Variants in CLPTM1L observed in about 807,000 individuals in gnomAD.
The protein encoded by CLPTM1L is lipid scramblase CLPTM1L.
Under a neutral mutation model 70.9 loss-of-function variants are expected in CLPTM1L, and 38 were observed. The observed-to-expected ratio is 0.54, with a 90% CI of 0.41 to 0.70. The LOEUF (loss-of-function observed/expected upper bound fraction) is 0.70. CLPTM1L is among the 30% of genes least tolerant of loss of function. The probability of loss-of-function intolerance (pLI) is 0.00; values close to 1 mark genes in which losing one functional copy is unlikely to be tolerated. For missense variants in CLPTM1L, 652 were observed against 705.9 expected (o/e 0.92, Z 0.87); for synonymous variants, 339 against 299.9 (o/e 1.13, Z -1.35).
At chr5:1,324,738 G>A (rs757581969) in intron 11 of CLPTM1L, 25 bp downstream of exon 11, 15 of 1,609,786 alleles carry the variant, frequency 9.3e-6, no homozygotes, top group South Asian at 7.7e-5. Context: ...TGGCATGCAC[G>A]TGCCCTGAAT....
intron 8 of CLPTM1L, 75 bp from the exon 9 acceptor site, chr5:1,330,458 C>G: frequency 1.7e-6 from 2 of 1,172,940 alleles, no homozygotes; most frequent in Non-Finnish European, 2.5e-6. Flanking sequence ...ACACACATAC[C>G]CCCAGTCCCC....
At position 1,318,149 on chromosome 5, in the gene CLPTM1L, C is replaced by A; in HGVS notation, c.*220G>T. The A allele has an allele frequency of 1.8e-6, 1 of 549,192 alleles. No individual in the cohort carries two copies. Among genetic ancestry groups the A allele is most frequent in the Non-Finnish European group, 3.2e-6 (1 of 311,846 alleles). 34.0% of individuals were successfully genotyped at this position (549,192 alleles called of 1,614,324 possible). A position where few individuals can be genotyped will look rare whatever the true frequency, so the allele number is the denominator to read the frequency against. ...CACCACAGCTCAAGGTGACCGGCAG[C>A]ACCCAGCTCTGTGACCAAGACAGAT... On this transcript the variant is annotated 3_prime_UTR_variant, in exon 17 of 17. Transcript: ENST00000320895. This position sits in a 1 kb window ranked among gnomAD's most constrained non-coding sequence, Gnocchi z 8.9.
At position 1,320,643 on chromosome 5, in the gene CLPTM1L, A is replaced by C; in HGVS notation, c.1505T>G (p.Val502Gly). Residue 502 changes from valine to glycine, a missense_variant, in exon 16 of 17, where the codon GTG becomes GGG. Around this residue, in one of 3 missense-constraint regions of CLPTM1L, gnomAD observed 240 missense variants for 295.0 expected, o/e 0.81. Coordinates refer to ENST00000320895, the MANE Select transcript of CLPTM1L (RefSeq NM_030782.5). ...CCGCTGGTACAGGTAGACCAGAAAC[A>C]CCACGTCGTCCCGGAAGCAGGCCAG... ...HRLACFRDDV[V>G]FLVYLYQRWL... The C allele has an allele frequency of 6.5e-7, 1 of 1,545,396 alleles. No homozygotes were observed. Among genetic ancestry groups the C allele is most frequent in the Non-Finnish European group, 8.7e-7 (1 of 1,143,908 alleles).
chr5:1,338,724 G>T, intron 4 of CLPTM1L, 136 bp downstream of exon 4: 1 of 956,716 alleles, frequency 1.0e-6, no homozygotes, highest in Non-Finnish European at 1.6e-6. Context: ...AAGTGGGAAA[G>T]AGCTGGGAGG....
At chr5:1,333,649 T>C (rs1753324948) in intron 7 of CLPTM1L, among the ~76,000 whole-genome samples, 1 of 100,130 alleles carries the variant, frequency 1.0e-5, no homozygotes, top group African/African-American at 3.8e-5. Context: ...GGGGGACTAC[T>C]GTATACACAC....
At chr5:1,323,025 C>T in intron 12 of CLPTM1L, 114 bp from the exon 13 acceptor site, 2 of 1,053,188 alleles carry the variant, frequency 1.9e-6, no homozygotes, top group South Asian at 1.3e-5. Context: ...CAGATGCTCT[C>T]ACGGCAGCTC....
rs1238097141 is a variant in CLPTM1L at position 1,318,806 on chromosome 5, C to A, written c.1533-353G>T. Among the ~76,000 whole-genome samples the A allele has an allele frequency of 6.6e-6, 1 of 152,164 alleles. No homozygotes were observed. The highest frequency in any genetic ancestry group is 6.5e-5 in the Admixed American group (1 of 15,282). On this transcript the variant is annotated intron_variant, in intron 16 of 16. Transcript: ENST00000320895. The surrounding 1 kb of genome is among the most constrained non-coding windows in gnomAD (Gnocchi z 8.9). ...AGACTCGAGTGATCAGAACAGGAAC[C>A]GCTGTGTTCAGGGACCACGTCTCAT...
At chr5:1,331,438 A>G in intron 8 of CLPTM1L, 2 of 328,750 alleles carry the variant, frequency 6.1e-6, no homozygotes, top group South Asian at 1.3e-4. Flanking sequence ...GAACCAAGAC[A>G]GGGGATGTGA....
At position 1,330,260 on chromosome 5, in the gene CLPTM1L, G is replaced by A. The variant is rs746978192; in HGVS notation, c.1080+20C>T. Reference sequence around the variant, plus strand: ...AGGCACATGGACCTCAGACAGTTCAGGTCACTGCCCGGAACTCACCTCAAT... The same window carrying A: ...AGGCACATGGACCTCAGACAGTTCAAGTCACTGCCCGGAACTCACCTCAAT... On this transcript the variant is annotated intron_variant, in intron 9 of 16. Coordinates refer to ENST00000320895, the MANE Select transcript of CLPTM1L (RefSeq NM_030782.5). 5.0e-6 allele frequency: 8 copies of A among 1,606,342 alleles called. No individual in the cohort carries two copies. Among genetic ancestry groups the A allele is most frequent in the Admixed American group, 1.7e-5 (1 of 59,986 alleles).
At position 1,318,200 on chromosome 5, in the gene CLPTM1L, G is replaced by A. The variant is rs1450143875; in HGVS notation, c.*169C>T. On this transcript the variant is annotated 3_prime_UTR_variant, in exon 17 of 17. Coordinates refer to ENST00000320895, the MANE Select transcript of CLPTM1L (RefSeq NM_030782.5). The surrounding 1 kb of genome is among the most constrained non-coding windows in gnomAD (Gnocchi z 8.9). ...GTTCACACGTGGGGGCATCGTAAGC[G>A]CTACCAGCTCCAAATCTGACGTGAT... 8.1e-6 allele frequency: 5 copies of A among 616,122 alleles called. No homozygotes were observed. The highest frequency in any genetic ancestry group is 2.8e-5 in the East Asian group (1 of 36,156). The allele number at this position is 616,122 out of a possible 1,614,324, so 38.2% of individuals were successfully genotyped here. A position where few individuals can be genotyped will look rare whatever the true frequency, so the allele number is the denominator to read the frequency against.
At chr5:1,334,788 A>G (rs1753454763) in intron 6 of CLPTM1L, among the ~76,000 whole-genome samples, 1 of 152,200 alleles carries the variant, frequency 6.6e-6, no homozygotes, top group African/African-American at 2.4e-5. Flanking sequence ...CAAACAATAA[A>G]AATAAATCTC....
At position 1,341,781 on chromosome 5, in the gene CLPTM1L, C is replaced by A. The variant is rs771651286; in HGVS notation, c.343G>T (p.Val115Phe). 3.1e-6 allele frequency: 5 copies of A among 1,613,976 alleles called. No homozygotes were observed. Among genetic ancestry groups the A allele is most frequent in the Admixed American group, 1.7e-5 (1 of 60,032 alleles). The change falls in exon 3 of 17, where the codon GTC becomes TTC. Residue 115 changes from valine (V) to phenylalanine (F), a missense_variant. By Grantham distance (50) the Val-to-Phe change is conservative. Coordinates refer to ENST00000320895, the MANE Select transcript of CLPTM1L (RefSeq NM_030782.5). ...TGCTTCCCGTCGTGCCACGGCAGGA[C>A]CCCAGCGTGATGGAGGAAGATGTAG... ...YAYIFLHHAG[V>F]LPWHDGKQVH... is the part of the protein sequence containing the mutation.
chr5:1,320,112 G>A (rs1218117807), intron 16 of CLPTM1L: 1 of 152,464 alleles, frequency 6.6e-6, no homozygotes, highest in African/African-American at 2.4e-5. Flanking sequence ...TCAACCTGAA[G>A]GCCAAGCTGA....
chr5:1,331,817 C>T lies in CLPTM1L; in HGVS notation c.958G>A (p.Gly320Ser), dbSNP rs1243650968. 7 of 1,613,230 alleles carry T rather than the reference C, an allele frequency of 4.3e-6. No individual in the cohort carries two copies. The highest frequency in any genetic ancestry group is 2.7e-5 in the African/African-American group (2 of 74,914). Residue 320 changes from glycine (G) to serine (S), a missense_variant, in exon 8 of 17, where the codon GGC (glycine) becomes AGC (serine). By Grantham distance (56) the Gly-to-Ser change is moderately conservative. This residue lies in a region of CLPTM1L where 240 missense variants were observed against 295.0 expected (regional missense o/e 0.81). Transcript: ENST00000320895. ...GGCCTACCTGCCTTGGTGGACATGC[C>T]GATCATGCTCTTCTTCTTCTTCCAG... ...SFWKKKKSMIGMSTKAVLWRC... is the reference protein window; with the variant it reads ...SFWKKKKSMISMSTKAVLWRC...
Position 1,331,793 on chromosome 5 carries a change from G to C in CLPTM1L, c.976+6C>G, listed in dbSNP as rs752485426. The stretch of plus-strand genomic sequence containing the variant: ...ATCTGAGCAGGGCCACGCTCGGGGG[G>C]CCTACCTGCCTTGGTGGACATGCCG... On this transcript the variant is annotated splice_donor_region_variant and intron_variant, in intron 8 of 16. Transcript: ENST00000320895. 1 of 1,612,518 alleles carries C rather than the reference G, an allele frequency of 6.2e-7. No individual in the cohort carries two copies. Among genetic ancestry groups the C allele is most frequent in the South Asian group, 1.1e-5 (1 of 91,080 alleles).
intron 7 of CLPTM1L, 92 bp downstream of exon 7, chr5:1,334,197 C>T: frequency 1.1e-6 from 1 of 878,846 alleles, no homozygotes; most frequent in Non-Finnish European, 1.8e-6. Context: ...TGGACGGCGC[C>T]CACAAACCCC....
At chr5:1,338,077 GC>G (rs1560868183) in intron 4 of CLPTM1L, 95 bp from the exon 5 acceptor site, 1 of 1,008,756 alleles carries the variant, frequency 9.9e-7, no homozygotes, top group Admixed American at 2.0e-5. Context: ...CCAGAGAAGT[GC>G]CCCCAGCACC....
intron 9 of CLPTM1L, among the ~76,000 whole-genome samples, chr5:1,326,788 G>C (rs912526479): frequency 1.6e-5 from 2 of 127,342 alleles, no homozygotes; most frequent in Non-Finnish European, 3.3e-5. Flanking sequence ...TCCTCTACAG[G>C]GACATTTCAT....
chr5:1,343,194 A>T (rs1001655831), intron 2 of CLPTM1L, among the ~76,000 whole-genome samples: 1 of 152,176 alleles, frequency 6.6e-6, no homozygotes, highest in Non-Finnish European at 1.5e-5. Flanking sequence ...TATCTCAAAA[A>T]AAAAAAAAAA....
Sources: gnomAD v4.1 joint callset for allele counts (sites outside exome capture counted in the v4.1 genomes callset) on GRCh38, gnomAD v4.1.1 for gene constraint, gnomAD v4.1.1 regional missense constraint, Gnocchi (gnomAD v3.1) non-coding constraint, MANE v1.5 for transcripts, NCBI Gene and HGNC (gene_info 2026-07-23, HGNC 2026-07-21) for gene names.